The following TAFA5 variants were observed in gnomAD, a reference collection of about 807,000 sequenced individuals.
The protein encoded by TAFA5 is chemokine-like protein TAFA-5.
A neutral mutation model predicts 15.3 loss-of-function variants in TAFA5; 6 were observed. The ratio of observed to expected loss-of-function variants is 0.39; its 90% CI spans 0.21 to 0.77. TAFA5 has a LOEUF of 0.77. Ranked by LOEUF, TAFA5 falls within the 30% of genes least tolerant of loss-of-function variation. The pLI is 0.41. For synonymous variants in TAFA5, 103 were observed against 80.7 expected, an observed-to-expected ratio of 1.28 and a Z score of -1.48; for missense variants, 161 against 193.1, an observed-to-expected ratio of 0.83 and a Z score of 0.98.
rs141968111 is a variant in TAFA5 at position 48,636,403 on chromosome 22, A to G, written c.113-10194A>G. Among the ~76,000 whole-genome samples, 564 of 152,268 alleles carry G rather than the reference A, an allele frequency of 3.7e-3. 4 individuals carry two copies. Among genetic ancestry groups the G allele is most frequent in the African/African-American group, 0.013 (537 of 41,534 alleles). On this transcript the variant is annotated intron_variant, in intron 1 of 3. Coordinates refer to ENST00000402357, the MANE Select transcript of TAFA5 (RefSeq NM_001082967.3). Reference sequence around the variant, plus strand: ...ACAAACTTGATTTCACTGTAACTTAAATATTGAGACTATGATACTCCATCA... The same window carrying G: ...ACAAACTTGATTTCACTGTAACTTAGATATTGAGACTATGATACTCCATCA...
chr22:48,576,393 G>A, intron 1 of TAFA5: 1 of 1,222,014 alleles, frequency 8.2e-7, no homozygotes, highest in Non-Finnish European at 1.0e-6. Flanking sequence ...GCGGGCGGCC[G>A]CGGAGGCTGC....
chr22:48,668,942 T>G (rs1927713862), intron 2 of TAFA5, among the ~76,000 whole-genome samples: 1 of 152,202 alleles, frequency 6.6e-6, no homozygotes, highest in Non-Finnish European at 1.5e-5. Flanking sequence ...ATGGTCCCAG[T>G]GCTGGCGACC....
At chr22:48,694,277 G>T (rs1303120014) in intron 2 of TAFA5, among the ~76,000 whole-genome samples, 1 of 152,234 alleles carries the variant, frequency 6.6e-6, no homozygotes, top group Non-Finnish European at 1.5e-5. Flanking sequence ...AGCTGTCCAA[G>T]GGCCCCAACG....
chr22:48,602,273 G>A (rs1181640038), intron 1 of TAFA5, among the ~76,000 whole-genome samples: 1 of 152,218 alleles, frequency 6.6e-6, no homozygotes, highest in African/African-American at 2.4e-5. Context: ...GAATGTACAG[G>A]CACCCACCTT....
intron 1 of TAFA5, among the ~76,000 whole-genome samples, chr22:48,506,909 G>A (rs2071784): frequency 0.097 from 14,820 of 152,200 alleles, 1,057 homozygotes; most frequent in East Asian, 0.31. Context: ...ACATGCTGCT[G>A]GATTTCATTC....
At chr22:48,610,812 T>A (rs1003241314) in intron 1 of TAFA5, among the ~76,000 whole-genome samples, 4 of 152,192 alleles carry the variant, frequency 2.6e-5, no homozygotes, top group Non-Finnish European at 1.5e-5. Context: ...CTGTCCCTGC[T>A]GCAGCCCCTT....
intron 3 of TAFA5, among the ~76,000 whole-genome samples, chr22:48,733,996 A>G (rs1472092054): frequency 6.6e-6 from 1 of 152,206 alleles, no homozygotes; most frequent in Non-Finnish European, 1.5e-5. Flanking sequence ...GAAAGTGGTG[A>G]ATTTGCTGGT....
At chr22:48,570,885 C>T (rs1395274495) in intron 1 of TAFA5, among the ~76,000 whole-genome samples, 1 of 152,134 alleles carries the variant, frequency 6.6e-6, no homozygotes, top group African/African-American at 2.4e-5. Flanking sequence ...AAGATTTTAC[C>T]TGTTGGAGAT....
chr22:48,498,321 C>A (rs1920936692), intron 1 of TAFA5, among the ~76,000 whole-genome samples: 1 of 151,674 alleles, frequency 6.6e-6, no homozygotes, highest in Admixed American at 6.6e-5. Flanking sequence ...GGAGTGGCTG[C>A]AAGCCTAGGG....
chr22:48,717,333 G>C (rs1601694896), intron 3 of TAFA5, among the ~76,000 whole-genome samples: 1 of 152,236 alleles, frequency 6.6e-6, no homozygotes, highest in South Asian at 2.1e-4. Flanking sequence ...GGAAGAACAG[G>C]CTCCAGCCCT....
chr22:48,510,867 T>G (rs1470137877), intron 1 of TAFA5, among the ~76,000 whole-genome samples: 2 of 152,370 alleles, frequency 1.3e-5, no homozygotes, highest in South Asian at 4.1e-4. Flanking sequence ...TTTGATAGAC[T>G]TCCTTCCCAC....
At chr22:48,720,381 C>A (rs1290940956) in intron 3 of TAFA5, among the ~76,000 whole-genome samples, 1 of 152,156 alleles carries the variant, frequency 6.6e-6, no homozygotes, top group East Asian at 1.9e-4. Context: ...CGTGACCCAA[C>A]ATCTCAGGGA....
chr22:48,720,693 T>A (rs542164156), intron 3 of TAFA5, among the ~76,000 whole-genome samples: 1 of 152,210 alleles, frequency 6.6e-6, no homozygotes, highest in South Asian at 2.1e-4. Context: ...GAAGTTCTCA[T>A]TATGTTCACA....
chr22:48,494,008 C>T (rs1019982239), intron 1 of TAFA5, among the ~76,000 whole-genome samples: 2 of 152,176 alleles, frequency 1.3e-5, no homozygotes, highest in Admixed American at 1.3e-4. Context: ...GCTGGACCTC[C>T]CTGAGGCCAG....
chr22:48,670,404 G>T (rs934844188), intron 2 of TAFA5, among the ~76,000 whole-genome samples: 3 of 152,242 alleles, frequency 2.0e-5, no homozygotes, highest in African/African-American at 7.2e-5. Flanking sequence ...TTAAGCACAC[G>T]CTGGAAGGCC....
intron 1 of TAFA5, among the ~76,000 whole-genome samples, chr22:48,497,341 T>C (rs1047815713): frequency 9.9e-5 from 15 of 152,174 alleles, no homozygotes; most frequent in Non-Finnish European, 1.8e-4. Flanking sequence ...GCAGCCTCGC[T>C]GCTGGTTTCT....
intron 3 of TAFA5, among the ~76,000 whole-genome samples, chr22:48,724,483 A>G (rs1479903456): frequency 6.6e-6 from 1 of 152,230 alleles, no homozygotes; most frequent in Non-Finnish European, 1.5e-5. Context: ...AGTCCATAGA[A>G]GCCTCCGTGG....
chr22:48,648,831 A>C (rs7511479), intron 2 of TAFA5, among the ~76,000 whole-genome samples: 8 of 151,848 alleles, frequency 5.3e-5, no homozygotes, highest in East Asian at 3.9e-4. Context: ...CTGTCTCAAA[A>C]AAACAAACAA....
intron 1 of TAFA5, among the ~76,000 whole-genome samples, chr22:48,595,458 T>C (rs1924732012): frequency 1.3e-5 from 2 of 152,162 alleles, no homozygotes; most frequent in Admixed American, 1.3e-4. Flanking sequence ...TGGCCATGTG[T>C]GTTAGATCCG....
Sources: gnomAD v4.1 joint callset for allele counts (sites outside exome capture counted in the v4.1 genomes callset) on GRCh38, gnomAD v4.1.1 for gene constraint, MANE v1.5 for transcripts, NCBI Gene and HGNC (gene_info 2026-07-23, HGNC 2026-07-21) for gene names.